The following FRYL variants were observed in gnomAD, a reference collection of about 807,000 sequenced individuals.
FRYL encodes protein furry homolog-like.
A neutral mutation model predicts 351.2 loss-of-function variants in FRYL; 150 were observed. The observed-to-expected ratio is 0.43, with a 90% CI of 0.37 to 0.49. The LOEUF (loss-of-function observed/expected upper bound fraction) is 0.49, where lower values mean the gene tolerates loss of function less well. Among genes scored for constraint, FRYL ranks in the 20% least tolerant of loss-of-function variants. The pLI is 0.00. For missense variants in FRYL, 3,036 were observed against 3,619.3 expected, an observed-to-expected ratio of 0.84 and a Z score of 4.13; for synonymous variants, 1,153 against 1,257.1, an observed-to-expected ratio of 0.92 and a Z score of 1.75.
intron 9 of FRYL, among the ~76,000 whole-genome samples, chr4:48,608,322 C>G (rs1489228466): frequency 6.6e-6 from 1 of 152,144 alleles, no homozygotes; most frequent in Non-Finnish European, 1.5e-5. Context: ...GGGCCAAAGA[C>G]TCTTTCAAAC....
At chr4:48,563,810 G>C (rs990868177) in intron 31 of FRYL, 138 bp downstream of exon 31, 1 of 825,520 alleles carries the variant, frequency 1.2e-6, no homozygotes, top group Non-Finnish European at 1.9e-6. Context: ...TTTGGGATCT[G>C]AGAGGGGTCC....
intron 53 of FRYL, among the ~76,000 whole-genome samples, chr4:48,525,898 TTGA>T (rs923708667): frequency 6.6e-6 from 1 of 150,530 alleles, no homozygotes; most frequent in Non-Finnish European, 1.5e-5. Flanking sequence ...TGTACATGAG[TTGA>T]TGAATGTGTA....
intron 15 of FRYL, 120 bp downstream of exon 15, chr4:48,595,470 A>G (rs1002768490): frequency 3.4e-5 from 18 of 533,574 alleles, no homozygotes; most frequent in African/African-American, 7.9e-5. Flanking sequence ...AATGAAATAA[A>G]CTTATTCAAT....
intron 2 of FRYL, among the ~76,000 whole-genome samples, chr4:48,696,486 G>A (rs1206448758): frequency 6.6e-6 from 1 of 152,026 alleles, no homozygotes; most frequent in Non-Finnish European, 1.5e-5. Context: ...ACGAGAACAC[G>A]TGGACACTGG....
intron 1 of FRYL, among the ~76,000 whole-genome samples, chr4:48,746,544 T>C (rs6815016): frequency 5.1e-5 from 7 of 137,834 alleles, no homozygotes; most frequent in African/African-American, 1.9e-4. Context: ...GACTCCGTTT[T>C]AAAAAAAAAA....
chr4:48,553,103 C>A lies in FRYL; in HGVS notation c.4435+112G>T, dbSNP rs573421354. The A allele has an allele frequency of 4.1e-4, 282 of 696,056 alleles. 2 individuals are homozygous for A. The African/African-American group carries it at 4.8e-3, about 12-fold the overall frequency. 43.1% of individuals were successfully genotyped at this position (696,056 alleles called of 1,614,324 possible). The stretch of plus-strand genomic sequence containing the variant: ...TTTTAATAAATTTTATTGTATATAT[C>A]TGAGATTCATAACATGTTATGGGAC... On this transcript the variant is annotated intron_variant, in intron 36 of 63. Transcript: ENST00000358350.
rs750122952 is a variant in FRYL at position 48,603,309 on chromosome 4, G to A, written c.914C>T (p.Ser305Leu). The A allele has an allele frequency of 6.8e-6, 11 of 1,607,410 alleles. No homozygotes were observed. The East Asian group carries it at 8.9e-5, about 13-fold the overall frequency. The change falls in exon 12 of 64, where the codon TCG becomes TTG. Residue 305 changes from serine (S) to leucine (L), a missense_variant. By Grantham distance (145) the Ser-to-Leu change is moderately radical. Transcript: ENST00000358350. ...TAATACCAATGAATGCTTCTTTCTC[G>A]AGCTCAGTTCAAAAGTAGTCTGATA... The part of the protein sequence containing the change: ...MLYQTTFELS[S>L]RKKHSLALYP...
intron 2 of FRYL, among the ~76,000 whole-genome samples, chr4:48,686,204 G>A (rs1765139323): frequency 6.6e-6 from 1 of 152,050 alleles, no homozygotes; most frequent in Non-Finnish European, 1.5e-5. Flanking sequence ...ATAGTAATTT[G>A]TACTAAAAAC....
chr4:48,562,007 C>A (rs1254125409), intron 32 of FRYL, among the ~76,000 whole-genome samples: 1 of 152,030 alleles, frequency 6.6e-6, no homozygotes, highest in Non-Finnish European at 1.5e-5. Context: ...CAGAGTGAGA[C>A]CCTATCTCAA....
At chr4:48,716,832 T>C (rs955060738) in intron 1 of FRYL, among the ~76,000 whole-genome samples, 14 of 151,418 alleles carry the variant, frequency 9.2e-5, no homozygotes, top group African/African-American at 2.7e-4. Context: ...TGTATGTTTA[T>C]TGTGGCACTA....
At chr4:48,708,749 A>G (rs1767662808) in intron 2 of FRYL, among the ~76,000 whole-genome samples, 1 of 151,714 alleles carries the variant, frequency 6.6e-6, no homozygotes, top group African/African-American at 2.4e-5. Context: ...TGCAACTATC[A>G]CACTTGGTTG....
At chr4:48,731,587 T>C (rs1770727307) in intron 1 of FRYL, among the ~76,000 whole-genome samples, 1 of 152,020 alleles carries the variant, frequency 6.6e-6, no homozygotes, top group South Asian at 2.1e-4. Context: ...AAAACAGAGA[T>C]ATAGACCAAT....
intron 25 of FRYL, among the ~76,000 whole-genome samples, chr4:48,574,690 C>T (rs1425569880): frequency 6.6e-6 from 1 of 152,076 alleles, no homozygotes; most frequent in Non-Finnish European, 1.5e-5. Context: ...AAAAACATCA[C>T]GAATGATATC....
chr4:48,707,320 A>T (rs1490601413), intron 2 of FRYL, among the ~76,000 whole-genome samples: 1 of 152,236 alleles, frequency 6.6e-6, no homozygotes, highest in Non-Finnish European at 1.5e-5. Context: ...AAGAGTGTTC[A>T]TAGCAATTTT....
rs140672730 is a variant in FRYL, at chr4:48,773,357, C to G, written c.-384+6721G>C. On this transcript the variant is annotated intron_variant, in intron 1 of 63. Transcript: ENST00000358350. ...GTAATGCAAATCCATCATGATCAAT[C>G]TACGAAGCACTATTTTTTTAACCAG... Among the ~76,000 whole-genome samples, 4 of 152,290 alleles carry G rather than the reference C, an allele frequency of 2.6e-5. No individual in the cohort carries two copies. In the East Asian group the frequency reaches 7.7e-4, roughly 29 times the overall value.
At chr4:48,619,059 T>C (rs145282395) in intron 7 of FRYL, 524 of 396,382 alleles carry the variant, frequency 1.3e-3, no homozygotes, top group Non-Finnish European at 2.1e-3. Flanking sequence ...AGATTTTATA[T>C]CTTGGATAAG....
chr4:48,750,543 A>C (rs1399983083), intron 1 of FRYL, among the ~76,000 whole-genome samples: 1 of 152,210 alleles, frequency 6.6e-6, no homozygotes, highest in South Asian at 2.1e-4. Context: ...ACCCCAGGCA[A>C]GCAATGGTAG....
rs144622927 is a variant in FRYL, at chr4:48,672,162, A to G, written c.-81+12511T>C. 7.9e-5 allele frequency among the ~76,000 whole-genome samples: 12 copies of G among 152,358 alleles called. No homozygotes were observed. The East Asian group carries it at 2.1e-3, about 27-fold the overall frequency. ...ACAATTTTTTATAATCTTGAAAACA[A>G]TGCTAGAAAGAAGATATGATTCAAA... On this transcript the variant is annotated intron_variant, in intron 3 of 63. Coordinates refer to ENST00000358350, the MANE Select transcript of FRYL (RefSeq NM_015030.2).
rs1776310543 is a variant in FRYL, at chr4:48,778,884, C to T, written c.-384+1194G>A. On this transcript the variant is annotated intron_variant, in intron 1 of 63. Coordinates refer to ENST00000358350, the MANE Select transcript of FRYL (RefSeq NM_015030.2). The stretch of plus-strand genomic sequence containing the variant: ...CCTGTCTTGCTGTGTCTTTTTTCCC[C>T]TACCCTTCCAAAAGAACCCCAGCCA... Among the ~76,000 whole-genome samples, 4 of 152,126 alleles carry T rather than the reference C, an allele frequency of 2.6e-5. No individual in the cohort carries two copies. The South Asian group carries it at 8.3e-4, about 32-fold the overall frequency.
Sources: gnomAD v4.1 joint callset for allele counts (sites outside exome capture counted in the v4.1 genomes callset) on GRCh38, gnomAD v4.1.1 for gene constraint, MANE v1.5 for transcripts, NCBI Gene and HGNC (gene_info 2026-07-23, HGNC 2026-07-21) for gene names.